ZNF418: variants seen among roughly 807,000 people sequenced by gnomAD.
ZNF418 encodes the protein zinc finger protein 418.
A neutral mutation model predicts 32.0 loss-of-function variants in ZNF418; 32 were observed. That is an observed-to-expected ratio of 1.00 (90% CI 0.75 to 1.34). The LOEUF (loss-of-function observed/expected upper bound fraction) is 1.34. ZNF418 is among the 40% of genes most tolerant of loss of function. The pLI is 0.00. For synonymous variants in ZNF418, 276 were observed against 270.7 expected (o/e 1.02, Z -0.19); for missense variants, 804 against 812.5 (o/e 0.99, Z 0.13).
At chr19:57,923,559 CACACACAT>C (rs941332234) in intron 4 of ZNF418, among the ~76,000 whole-genome samples, 21 of 141,662 alleles carry the variant, frequency 1.5e-4, no homozygotes, top group Middle Eastern at 3.7e-3. Flanking sequence ...CACACACACA[CACACACAT>C]ATATACACAT....
intron 2 of ZNF418, among the ~76,000 whole-genome samples, chr19:57,933,016 A>G (rs75720548): frequency 0.012 from 1,787 of 152,252 alleles, 39 homozygotes; most frequent in African/African-American, 0.039. Flanking sequence ...GGACCCAAGC[A>G]AGAAATTCAG....
chr19:57,922,694 A>G (rs193298611), intron 5 of ZNF418, 65 bp from the exon 6 acceptor site: 8 of 398,090 alleles, frequency 2.0e-5, no homozygotes, highest in Middle Eastern at 1.3e-3. Context: ...ACTTTGTTAA[A>G]TTGCAAGAAA....
In ZNF418 at chr19:57,922,253, A is replaced by G; in HGVS notation, c.*1002T>C. On this transcript the variant is annotated 3_prime_UTR_variant, in exon 6 of 6. Transcript: ENST00000396147. ...CCAAAACACTGGAATTAAAGGCATGAGTCCCTGTACATGACGAGATGGGCT... is the reference window on the plus strand; with the variant it reads ...CCAAAACACTGGAATTAAAGGCATGGGTCCCTGTACATGACGAGATGGGCT... 1 of 222,502 alleles carries G rather than the reference A, an allele frequency of 4.5e-6. No homozygotes were observed. The highest frequency in any genetic ancestry group is 8.7e-6 in the Non-Finnish European group (1 of 114,408). 13.8% of individuals were successfully genotyped at this position (222,502 alleles called of 1,614,324 possible).
chr19:57,934,535 G>C (rs1359641832), intron 1 of ZNF418, among the ~76,000 whole-genome samples: 4 of 152,112 alleles, frequency 2.6e-5, no homozygotes, highest in South Asian at 4.2e-4. Flanking sequence ...GGTTCTTTAC[G>C]TGCTTTTGTA....
chr19:57,932,392 G>C (rs1462300967), intron 2 of ZNF418: 1 of 1,524,786 alleles, frequency 6.6e-7, no homozygotes, highest in South Asian at 1.2e-5. Context: ...ACAGAATTCA[G>C]AGTATGCTTG....
chr19:57,930,605 C>G (rs775327782), intron 2 of ZNF418, 51 bp from the exon 3 acceptor site: 1 of 1,609,642 alleles, frequency 6.2e-7, no homozygotes. Context: ...TGCTGAGGTA[C>G]CACAATCCAC....
At position 57,933,870 on chromosome 19, in the gene ZNF418, CA is replaced by C; in HGVS notation, c.-49del. On this transcript the variant is annotated 5_prime_UTR_variant, in exon 2 of 6. It introduces an in-frame stop codon into an upstream open reading frame of the 5' UTR. Transcript: ENST00000396147. ...ATCCTCCTTCCTCCTCCCTCAAACA[CA>C]GTGTGTTCTCTTCTTTGCAGCCAGA... The C allele has an allele frequency of 6.2e-7, 1 of 1,614,080 alleles. No individual in the cohort carries two copies. Among genetic ancestry groups the C allele is most frequent in the Middle Eastern group, 1.7e-4 (1 of 6,060 alleles).
At chr19:57,922,883 C>T (rs1568535262) in intron 5 of ZNF418, among the ~76,000 whole-genome samples, 1 of 151,776 alleles carries the variant, frequency 6.6e-6, no homozygotes, top group Non-Finnish European at 1.5e-5. Flanking sequence ...ATGCCTGTCC[C>T]TAGCAACTTG....
At position 57,935,303 on chromosome 19, in the gene ZNF418, C is replaced by A. The variant is rs1850198736; in HGVS notation, c.-223G>T. The A allele has an allele frequency of 2.0e-6, 2 of 979,930 alleles. No homozygotes were observed. The highest frequency in any genetic ancestry group is 3.0e-5 in the South Asian group (1 of 32,794). The allele number at this position is 979,930 out of a possible 1,614,324, so 60.7% of individuals were successfully genotyped here. ...CTTCACCTTCTGGGTTCAGACACCGCGGTTCGGACCCATAGCTCCAGCGCC... is the reference window on the plus strand; with the variant it reads ...CTTCACCTTCTGGGTTCAGACACCGAGGTTCGGACCCATAGCTCCAGCGCC... On this transcript the variant is annotated 5_prime_UTR_variant, in exon 1 of 6. Coordinates refer to ENST00000396147, the MANE Select transcript of ZNF418 (RefSeq NM_133460.3).
At chr19:57,931,296 G>A (rs1330540876) in intron 2 of ZNF418, among the ~76,000 whole-genome samples, 2 of 151,098 alleles carry the variant, frequency 1.3e-5, no homozygotes, top group East Asian at 3.9e-4. Context: ...CCACCTCCCA[G>A]GTTCAAGCAA....
intron 4 of ZNF418, among the ~76,000 whole-genome samples, chr19:57,923,497 C>T (rs564770897): frequency 1.0e-4 from 15 of 149,466 alleles, no homozygotes; most frequent in Admixed American, 2.7e-4. Context: ...CATGTATATA[C>T]ATATATACAC....
In ZNF418 at chr19:57,926,278, T is replaced by C; in HGVS notation, c.1903A>G (p.Thr635Ala). The change falls in exon 4 of 6, where the codon ACT (threonine) becomes GCT (alanine). Residue 635 changes from threonine (T) to alanine (A), a missense_variant. Coordinates refer to ENST00000396147, the MANE Select transcript of ZNF418 (RefSeq NM_133460.3). ...GKSFAETFSL[T>A]EHRRVHTGER... ...CCAGTGTGTACTCTCCTGTGTTCAGTAAGACTGAAGGTTTCAGCAAAGGAT... is the reference window on the plus strand; with the variant it reads ...CCAGTGTGTACTCTCCTGTGTTCAGCAAGACTGAAGGTTTCAGCAAAGGAT... 1.9e-6 allele frequency: 3 copies of C among 1,573,454 alleles called. No homozygotes were observed. The highest frequency in any genetic ancestry group is 1.7e-6 in the Non-Finnish European group (2 of 1,147,428).
Position 57,935,364 on chromosome 19 carries a change from T to A in ZNF418, c.-284A>T. The A allele has an allele frequency of 2.8e-6, 1 of 359,042 alleles. No homozygotes were observed. Among genetic ancestry groups the A allele is most frequent in the Non-Finnish European group, 4.1e-6 (1 of 245,404 alleles). 22.2% of individuals were successfully genotyped at this position (359,042 alleles called of 1,614,324 possible). On this transcript the variant is annotated 5_prime_UTR_variant, in exon 1 of 6. Coordinates refer to ENST00000396147, the MANE Select transcript of ZNF418 (RefSeq NM_133460.3). ...CAAACCGCAGAAACACACCCAACAT[T>A]AACCAAAATGGTCGCTACCAGAGAA...
intron 2 of ZNF418, among the ~76,000 whole-genome samples, chr19:57,930,827 G>A (rs950500652): frequency 5.9e-5 from 9 of 152,152 alleles, no homozygotes; most frequent in African/African-American, 2.2e-4. Flanking sequence ...ACCCAGGCTG[G>A]AGTGCAGTGG....
rs1201129531 is a variant in ZNF418, at chr19:57,930,378, G to A, written c.133+50C>T. Reference sequence around the variant, plus strand: ...ACAGTCTTGCCAATGGGAGAAAAGGGGAAGGGCAGAGATCTATTCAGGAAA... The same window carrying A: ...ACAGTCTTGCCAATGGGAGAAAAGGAGAAGGGCAGAGATCTATTCAGGAAA... On this transcript the variant is annotated intron_variant, in intron 3 of 5. Coordinates refer to ENST00000396147, the MANE Select transcript of ZNF418 (RefSeq NM_133460.3). 4.3e-6 allele frequency: 7 copies of A among 1,612,970 alleles called. No homozygotes were observed. The South Asian group carries it at 7.7e-5, about 18-fold the overall frequency.
chr19:57,925,193 G>T (rs2072159811), intron 4 of ZNF418, among the ~76,000 whole-genome samples: 1 of 152,176 alleles, frequency 6.6e-6, no homozygotes, highest in Non-Finnish European at 1.5e-5. Context: ...GGGTGCGGTG[G>T]CTCACGCCTG....
At chr19:57,929,291 T>G (rs192831872) in intron 3 of ZNF418, among the ~76,000 whole-genome samples, 6 of 152,126 alleles carry the variant, frequency 3.9e-5, no homozygotes, top group Admixed American at 3.9e-4. Flanking sequence ...TTGAAGAAAA[T>G]CTCGAACTCA....
At chr19:57,930,301 A>C in intron 3 of ZNF418, 127 bp downstream of exon 3, 4 of 1,446,832 alleles carry the variant, frequency 2.8e-6, no homozygotes, top group Non-Finnish European at 2.9e-6. Context: ...CACAAAACCT[A>C]CCCAGAGAAG....
chr19:57,932,316 C>T, intron 2 of ZNF418: 1 of 926,414 alleles, frequency 1.1e-6, no homozygotes, highest in Non-Finnish European at 1.7e-6. Context: ...CATACAGTAT[C>T]ACCACACACC....
Sources: gnomAD v4.1 joint callset for allele counts (sites outside exome capture counted in the v4.1 genomes callset) on GRCh38, gnomAD v4.1.1 for gene constraint, MANE v1.5 for transcripts, NCBI Gene and HGNC (gene_info 2026-07-23, HGNC 2026-07-21) for gene names.